Variants in PSMG2 observed in about 807,000 individuals in gnomAD.
PSMG2 encodes the protein proteasome assembly chaperone 2.
PSMG2 carries 21 observed loss-of-function variants against 31.5 expected under a neutral mutation model. The observed-to-expected ratio is 0.67, with a 90% CI of 0.47 to 0.96. The LOEUF is 0.96. Among genes scored for constraint, PSMG2 ranks in the 40% least tolerant of loss-of-function variants. PSMG2 has a pLI of 0.00. For synonymous variants in PSMG2, 120 were observed against 110.4 expected (o/e 1.09, Z -0.54); for missense variants, 318 against 321.2 (o/e 0.99, Z 0.08).
chr18:12,662,670 G>A (rs1255924095), intron 1 of PSMG2, among the ~76,000 whole-genome samples: 4 of 152,168 alleles, frequency 2.6e-5, no homozygotes, highest in East Asian at 1.9e-4. Flanking sequence ...CCAGCTGCTC[G>A]GAAGGCTGAG....
At chr18:12,698,582 G>GA (rs1429856542), upstream of PSMG2, among the ~76,000 whole-genome samples, 1 of 152,132 alleles carries the variant, frequency 6.6e-6, no homozygotes, top group African/African-American at 2.4e-5. Context: ...TTTCAGCTGT[G>GA]AGTCACCGTG....
intron 3 of PSMG2, among the ~76,000 whole-genome samples, chr18:12,717,224 C>T (rs1039556267): frequency 2.0e-5 from 3 of 151,986 alleles, no homozygotes; most frequent in African/African-American, 4.8e-5. Context: ...GTTGGGATTA[C>T]AGGAGTGAGC....
chr18:12,683,105 G>T (rs2039407500), intron 1 of PSMG2, among the ~76,000 whole-genome samples: 1 of 150,646 alleles, frequency 6.6e-6, no homozygotes, highest in South Asian at 2.1e-4. Context: ...CAGCACTTTG[G>T]GAGGCTGAAG....
chr18:12,667,488 C>T (rs2038825728), intron 1 of PSMG2, among the ~76,000 whole-genome samples: 2 of 151,674 alleles, frequency 1.3e-5, no homozygotes, highest in African/African-American at 4.8e-5. Context: ...TCGGCCAGGC[C>T]GGGTGGCTCA....
chr18:12,723,937 C>G (rs530985570), intron 5 of PSMG2, among the ~76,000 whole-genome samples: 1 of 152,248 alleles, frequency 6.6e-6, no homozygotes, highest in East Asian at 1.9e-4. Flanking sequence ...TGTCTTTGTT[C>G]CCGTTATTCC....
At chr18:12,695,885 C>CACACACAA (rs557125479) in intron 1 of PSMG2, among the ~76,000 whole-genome samples, 7 of 149,746 alleles carry the variant, frequency 4.7e-5, no homozygotes, top group African/African-American at 1.5e-4. Context: ...CACACACACA[C>CACACACAA]TAAAAATTAG....
intron 1 of PSMG2, chr18:12,678,379 G>A: frequency 6.2e-7 from 1 of 1,614,108 alleles, no homozygotes; most frequent in Non-Finnish European, 8.5e-7. Flanking sequence ...TTCGATATGG[G>A]TACAGTGGTT....
At chr18:12,669,945 C>G (rs1345959921) in intron 1 of PSMG2, among the ~76,000 whole-genome samples, 3 of 150,472 alleles carry the variant, frequency 2.0e-5, no homozygotes, top group South Asian at 2.1e-4. Context: ...TGCGGTGAGC[C>G]GAGATTGCAC....
chr18:12,689,400 C>CTTTG (rs1484889969), intron 1 of PSMG2, among the ~76,000 whole-genome samples: 1 of 152,172 alleles, frequency 6.6e-6, no homozygotes, highest in Non-Finnish European at 1.5e-5. Flanking sequence ...TTGACACAGA[C>CTTTG]TTTGCCATGA....
At chr18:12,698,713 A>G (rs1043656456), upstream of PSMG2, 1 of 412,696 alleles carries the variant, frequency 2.4e-6, no homozygotes, top group Non-Finnish European at 4.3e-6. Flanking sequence ...CTAGCATAAC[A>G]CTATGCACAT....
At chr18:12,709,836 A>G (rs1228494792) in intron 2 of PSMG2, among the ~76,000 whole-genome samples, 1 of 149,496 alleles carries the variant, frequency 6.7e-6, no homozygotes, top group Non-Finnish European at 1.5e-5. Context: ...GGGTTTCACC[A>G]TGTTGGCCAG....
At chr18:12,706,410 C>G in intron 1 of PSMG2, 140 bp from the exon 2 acceptor site, 1 of 791,314 alleles carries the variant, frequency 1.3e-6, no homozygotes, top group Non-Finnish European at 2.0e-6. Flanking sequence ...TTGCTTCAAG[C>G]CAGGAGGCAG....
intron 2 of PSMG2, among the ~76,000 whole-genome samples, chr18:12,711,530 C>G (rs769961496): frequency 1.1e-4 from 16 of 152,100 alleles, no homozygotes; most frequent in Non-Finnish European, 2.1e-4. Context: ...ATACCTGGTG[C>G]TTGCTAGATT....
intron 1 of PSMG2, among the ~76,000 whole-genome samples, chr18:12,689,471 A>G (rs2039669113): frequency 6.6e-6 from 1 of 152,222 alleles, no homozygotes; most frequent in Non-Finnish European, 1.5e-5. Context: ...ACTGTTTACA[A>G]AAAGAGCCAA....
Position 12,696,489 on chromosome 18 carries a change from G to A in PSMG2, c.-36-10061G>A, listed in dbSNP as rs561108125. On this transcript the variant is annotated intron_variant, in intron 1 of 6. Transcript: ENST00000585331. Reference sequence around the variant, plus strand: ...CTGCACTCCAGCCTGGTGACAGAGCGAGACTCCATCTCAAATAATAATAAT... The same window carrying A: ...CTGCACTCCAGCCTGGTGACAGAGCAAGACTCCATCTCAAATAATAATAAT... Among the ~76,000 whole-genome samples the A allele has an allele frequency of 1.3e-4, 20 of 150,614 alleles. No homozygotes were observed. The South Asian group carries it at 1.7e-3, about 13-fold the overall frequency.
chr18:12,724,299 C>A, intron 5 of PSMG2, 200 bp from the exon 6 acceptor site: 1 of 484,508 alleles, frequency 2.1e-6, no homozygotes, highest in Non-Finnish European at 3.5e-6. Context: ...TGTGCGTGTT[C>A]CCCAGTGGGT....
intron 1 of PSMG2, among the ~76,000 whole-genome samples, chr18:12,690,185 C>T (rs1414776716): frequency 6.6e-6 from 1 of 152,192 alleles, no homozygotes; most frequent in East Asian, 1.9e-4. Flanking sequence ...ACAACGCTAT[C>T]AGAAAGTCAG....
At chr18:12,723,175 C>T (rs1230499920) in intron 5 of PSMG2, among the ~76,000 whole-genome samples, 1 of 152,184 alleles carries the variant, frequency 6.6e-6, no homozygotes, top group Non-Finnish European at 1.5e-5. Flanking sequence ...ACTCGGCTCA[C>T]TTTTATTTCT....
intron 1 of PSMG2, among the ~76,000 whole-genome samples, chr18:12,666,887 T>C (rs1272274460): frequency 3.3e-5 from 5 of 152,164 alleles, no homozygotes; most frequent in South Asian, 2.1e-4. Flanking sequence ...AATCCAAACA[T>C]CAGTTTTATT....
Sources: gnomAD v4.1 joint callset for allele counts (sites outside exome capture counted in the v4.1 genomes callset) on GRCh38, gnomAD v4.1.1 for gene constraint, MANE v1.5 for transcripts, NCBI Gene and HGNC (gene_info 2026-07-23, HGNC 2026-07-21) for gene names.